NRF1: variants seen among roughly 807,000 people sequenced by gnomAD.
NRF1 encodes the protein nuclear respiratory factor 1, also known as alpha palindromic-binding protein.
Under a neutral mutation model 58.5 loss-of-function variants are expected in NRF1, and 5 were observed. The ratio of observed to expected loss-of-function variants is 0.09; its 90% CI spans 0.04 to 0.18. The LOEUF (loss-of-function observed/expected upper bound fraction) is 0.18, where lower values mean the gene tolerates loss of function less well. NRF1 is among the 10% of genes least tolerant of loss of function. NRF1 has a pLI of 1.00. For missense variants in NRF1, 288 were observed against 657.7 expected, an observed-to-expected ratio of 0.44 and a Z score of 6.15; for synonymous variants, 224 against 246.7, an observed-to-expected ratio of 0.91 and a Z score of 0.86.
At chr7:129,685,415 ACT>A (rs1802419954) in intron 4 of NRF1, among the ~76,000 whole-genome samples, 3 of 151,638 alleles carry the variant, frequency 2.0e-5, no homozygotes. Flanking sequence ...ACAAAATAAA[ACT>A]CTAATGGCTC....
chr7:129,619,433 T>TATATAC (rs1554401492), intron 1 of NRF1, among the ~76,000 whole-genome samples: 17 of 65,856 alleles, frequency 2.6e-4, no homozygotes, highest in African/African-American at 7.4e-4. Flanking sequence ...TATATATATA[T>TATATAC]ACACACACAC....
Position 129,755,193 on chromosome 7 carries a change from AT to A in NRF1, c.*14del. 6.4e-7 allele frequency: 1 copy of A among 1,568,956 alleles called. No homozygotes were observed. The highest frequency in any genetic ancestry group is 8.6e-7 in the Non-Finnish European group (1 of 1,157,840). ...CATTGGAACAGTGACATACAGCCAT[AT>A]TATGGCATCGTTTTCTAGTCTACTT... On this transcript the variant is annotated 3_prime_UTR_variant, in exon 11 of 11. Transcript: ENST00000393232. This position sits in a 1 kb window ranked among gnomAD's most constrained non-coding sequence, Gnocchi z 5.8.
At chr7:129,667,144 T>C (rs1023332661) in intron 2 of NRF1, among the ~76,000 whole-genome samples, 3 of 152,238 alleles carry the variant, frequency 2.0e-5, no homozygotes, top group Admixed American at 6.5e-5. Context: ...ATGTCCATTT[T>C]CAACTTTACT....
At chr7:129,696,071 A>AC (rs1297793495) in intron 5 of NRF1, among the ~76,000 whole-genome samples, 80 of 139,544 alleles carry the variant, frequency 5.7e-4, no homozygotes, top group African/African-American at 1.8e-3. Context: ...AAAAAAAAAA[A>AC]AAAAAAAAAA....
intron 3 of NRF1, 90 bp downstream of exon 3, chr7:129,671,633 G>T: frequency 1.4e-6 from 1 of 717,196 alleles, no homozygotes; most frequent in Non-Finnish European, 2.4e-6. Context: ...GTTTGTCAAG[G>T]ATGCTTGGTT....
At chr7:129,717,926 T>C (rs1803229875) in intron 9 of NRF1, among the ~76,000 whole-genome samples, 1 of 152,224 alleles carries the variant, frequency 6.6e-6, no homozygotes, top group Non-Finnish European at 1.5e-5. Flanking sequence ...TATTAATCCA[T>C]GTTTAAGCAG....
chr7:129,617,970 A>G (rs1456253185), intron 1 of NRF1, among the ~76,000 whole-genome samples: 1 of 152,236 alleles, frequency 6.6e-6, no homozygotes, highest in Non-Finnish European at 1.5e-5. Flanking sequence ...TTGTAATTCC[A>G]TGCTCATGAG....
intron 1 of NRF1, among the ~76,000 whole-genome samples, chr7:129,625,173 AT>A (rs1361760885): frequency 6.6e-6 from 1 of 152,122 alleles, no homozygotes; most frequent in Non-Finnish European, 1.5e-5. Flanking sequence ...TTCTGCCTCC[AT>A]GGTCTCATTG....
chr7:129,619,478 GTGTGTGTGTGTGTATATATATA>G (rs1328566875), intron 1 of NRF1, among the ~76,000 whole-genome samples: 2 of 34,640 alleles, frequency 5.8e-5, no homozygotes, highest in Non-Finnish European at 1.4e-4. Flanking sequence ...GTGTGTGTGT[GTGTGTGTGTGTGTATATATATA>G]TATATATATA....
rs1311025788 is a variant in NRF1, at chr7:129,756,694, C to G, written c.*1513C>G. 1 of 152,470 alleles carries G rather than the reference C, an allele frequency of 6.6e-6. No homozygotes were observed. Among genetic ancestry groups the G allele is most frequent in the Non-Finnish European group, 1.5e-5 (1 of 68,052 alleles). 9.4% of individuals were successfully genotyped at this position (152,470 alleles called of 1,614,324 possible). A position where few individuals can be genotyped will look rare whatever the true frequency, so the allele number is the denominator to read the frequency against. On this transcript the variant is annotated 3_prime_UTR_variant, in exon 11 of 11. Transcript: ENST00000393232. ...GTGTATTTAATGTGTTTTTTTAATGCGACATTAAAAGATTCTCCACGTCTT... is the reference window on the plus strand; with the variant it reads ...GTGTATTTAATGTGTTTTTTTAATGGGACATTAAAAGATTCTCCACGTCTT...
intron 1 of NRF1, among the ~76,000 whole-genome samples, chr7:129,641,008 G>A (rs750345083): frequency 1.3e-5 from 2 of 152,158 alleles, no homozygotes; most frequent in Non-Finnish European, 2.9e-5. Flanking sequence ...TCACAGAGCC[G>A]TGGAGACCTT....
chr7:129,638,936 G>A (rs548605429), intron 1 of NRF1, among the ~76,000 whole-genome samples: 102 of 152,246 alleles, frequency 6.7e-4, no homozygotes, highest in South Asian at 4.4e-3. Flanking sequence ...ACATCCTTGT[G>A]TAGGATTCTA....
chr7:129,678,274 AAT>A (rs1214874741), intron 4 of NRF1, among the ~76,000 whole-genome samples: 2 of 152,312 alleles, frequency 1.3e-5, no homozygotes, highest in African/African-American at 4.8e-5. Flanking sequence ...ATTTTATAAA[AAT>A]AGTCTTTTGC....
intron 1 of NRF1, among the ~76,000 whole-genome samples, chr7:129,621,865 T>G (rs149473958): frequency 9.9e-4 from 150 of 151,284 alleles, no homozygotes; most frequent in African/African-American, 3.5e-3. Flanking sequence ...TCACTGTAAC[T>G]TCCGCCTCTC....
At chr7:129,655,142 GT>G (rs886278751) in intron 1 of NRF1, among the ~76,000 whole-genome samples, 48 of 151,478 alleles carry the variant, frequency 3.2e-4, no homozygotes, top group African/African-American at 1.1e-3. Context: ...AGAGTTTTGT[GT>G]TTTTTTTCAT....
intron 1 of NRF1, among the ~76,000 whole-genome samples, chr7:129,624,015 A>G (rs938622158): frequency 3.9e-5 from 6 of 152,228 alleles, no homozygotes; most frequent in Non-Finnish European, 7.3e-5. Context: ...ATCCACCACA[A>G]TGATTGCTTT....
intron 10 of NRF1, among the ~76,000 whole-genome samples, chr7:129,743,490 T>G (rs540662561): frequency 9.8e-5 from 15 of 152,348 alleles, no homozygotes; most frequent in African/African-American, 3.1e-4. Context: ...TCTTGCTTCT[T>G]CCATTTGTCT....
intron 10 of NRF1, among the ~76,000 whole-genome samples, chr7:129,748,723 C>T (rs1341737425): frequency 6.6e-6 from 1 of 152,200 alleles, no homozygotes; most frequent in African/African-American, 2.4e-5. Context: ...AAGATGTTAA[C>T]CATGATAAAC....
At chr7:129,624,860 T>C (rs1800879166) in intron 1 of NRF1, among the ~76,000 whole-genome samples, 1 of 152,148 alleles carries the variant, frequency 6.6e-6, no homozygotes, top group Admixed American at 6.6e-5. Context: ...ATTTTCCTTA[T>C]TGTCCGAGTC....
Sources: allele counts gnomAD v4.1 joint callset (sites outside exome capture counted in the v4.1 genomes callset), GRCh38; gene constraint gnomAD v4.1.1; non-coding constraint Gnocchi (gnomAD v3.1); transcripts MANE v1.5; gene names NCBI Gene and HGNC (gene_info 2026-07-23, HGNC 2026-07-21).